Variants in SQLE observed in about 807,000 individuals in gnomAD.
The protein encoded by SQLE is squalene epoxidase, also known as squalene monooxygenase.
In SQLE, 29 loss-of-function variants were observed where a neutral mutation model predicts 60.7. That is an observed-to-expected ratio of 0.48 (90% CI 0.36 to 0.65). SQLE has a LOEUF of 0.65. SQLE is among the 30% of genes least tolerant of loss of function. The pLI is 0.00. For synonymous variants in SQLE, 237 were observed against 246.8 expected (o/e 0.96, Z 0.37); for missense variants, 605 against 684.1 (o/e 0.88, Z 1.29).
intron 4 of SQLE, among the ~76,000 whole-genome samples, chr8:125,008,229 A>G (rs1814986351): frequency 6.6e-6 from 1 of 152,084 alleles, no homozygotes; most frequent in African/African-American, 2.4e-5. Flanking sequence ...AGCTGGGATT[A>G]CAGGCATGCT....
At chr8:125,005,831 A>G in intron 3 of SQLE, 126 bp downstream of exon 3, 1 of 636,132 alleles carries the variant, frequency 1.6e-6, no homozygotes, top group Non-Finnish European at 2.3e-6. Context: ...TATGTATATT[A>G]AAATAAACTG....
intron 8 of SQLE, 47 bp downstream of exon 8, chr8:125,018,248 C>A: frequency 1.3e-6 from 2 of 1,599,372 alleles, no homozygotes; most frequent in South Asian, 1.1e-5. Flanking sequence ...GGATTTATTT[C>A]TGGGGGTTAA....
At position 124,999,493 on chromosome 8, in the gene SQLE, G is replaced by A. The variant is rs528628772; in HGVS notation, c.90G>A (p.Leu30=). 2 of 1,604,052 alleles carry A rather than the reference G, an allele frequency of 1.2e-6. No homozygotes were observed. Among genetic ancestry groups the A allele is most frequent in the African/African-American group, 1.3e-5 (1 of 74,494 alleles). The change falls in exon 1 of 11, where the codon TTG becomes TTA. Residue 30 remains leucine, a synonymous_variant. Coordinates refer to ENST00000265896, the MANE Select transcript of SQLE (RefSeq NM_003129.4). ...CTTTGGCCAACAGGGAGGTCCTGTT[G>A]TGCGTGCTGGTGTTCCTCTCGCTGG... ...FITLANREVL[L]CVLVFLSLGL...
chr8:125,020,942 G>T, intron 10 of SQLE, 71 bp downstream of exon 10: 1 of 1,024,920 alleles, frequency 9.8e-7, no homozygotes, highest in Non-Finnish European at 1.5e-6. Flanking sequence ...ATGAATTACT[G>T]CAAATCTTTC....
In SQLE at chr8:124,999,336, A is replaced by G; in HGVS notation, c.-68A>G. ...CTCCTCTTGGTACCTCATTTTGGGG[A>G]GAACCTTAAACCCACTCGAGCAGAT... is the stretch of plus-strand genomic sequence containing the variant. On this transcript the variant is annotated 5_prime_UTR_variant, in exon 1 of 11. Coordinates refer to ENST00000265896, the MANE Select transcript of SQLE (RefSeq NM_003129.4). 3.6e-6 allele frequency: 5 copies of G among 1,402,608 alleles called. No homozygotes were observed. The South Asian group carries it at 9.1e-5, about 26-fold the overall frequency. The allele number at this position is 1,402,608 out of a possible 1,614,324, so 86.9% of individuals were successfully genotyped here.
At chr8:125,005,931 CT>C (rs1426100911) in intron 3 of SQLE, among the ~76,000 whole-genome samples, 1 of 152,088 alleles carries the variant, frequency 6.6e-6, no homozygotes, top group Non-Finnish European at 1.5e-5. Context: ...AAGAGTTCTC[CT>C]TTGACTAAAT....
intron 3 of SQLE, among the ~76,000 whole-genome samples, chr8:125,006,577 C>T (rs1324984583): frequency 4.1e-5 from 6 of 145,614 alleles, no homozygotes; most frequent in Non-Finnish European, 9.0e-5. Flanking sequence ...GCCGAGATAG[C>T]GCCACTGCAC....
rs1158317918 is a variant in SQLE at position 124,999,571 on chromosome 8, C to T, written c.168C>T (p.Arg56=). The change falls in exon 1 of 11, where the codon CGC becomes CGT. Residue 56 remains arginine (R), a synonymous_variant. Transcript: ENST00000265896. ...CRHRNGGLLG[R]QQSGSQFALF... ...ACCGAAACGGGGGTCTCCTCGGGCG[C>T]CAGCAGAGCGGCTCCCAGTTCGCCC... The T allele has an allele frequency of 6.2e-7, 1 of 1,613,368 alleles. No homozygotes were observed. The highest frequency in any genetic ancestry group is 2.2e-5 in the East Asian group (1 of 44,864).
intron 7 of SQLE, among the ~76,000 whole-genome samples, chr8:125,017,663 T>C (rs1815131023): frequency 1.3e-5 from 2 of 152,186 alleles, no homozygotes; most frequent in African/African-American, 4.8e-5. Context: ...GAAGGTGCTT[T>C]CCTGTGTGGG....
chr8:125,010,534 A>C (rs1815022624), intron 6 of SQLE, among the ~76,000 whole-genome samples: 1 of 152,148 alleles, frequency 6.6e-6, no homozygotes, highest in African/African-American at 2.4e-5. Context: ...TTTTTAAACT[A>C]AGTGAAACCA....
Position 124,999,349 on chromosome 8 carries a change from C to A in SQLE, c.-55C>A, listed in dbSNP as rs1814802112. ...CTCATTTTGGGGAGAACCTTAAACCCACTCGAGCAGATAATCTCCGCCTTG... is the reference window on the plus strand; with the variant it reads ...CTCATTTTGGGGAGAACCTTAAACCAACTCGAGCAGATAATCTCCGCCTTG... On this transcript the variant is annotated 5_prime_UTR_variant, in exon 1 of 11. Coordinates refer to ENST00000265896, the MANE Select transcript of SQLE (RefSeq NM_003129.4). The A allele has an allele frequency of 1.2e-5, 17 of 1,463,592 alleles. 1 individual carries two copies. The South Asian group carries it at 2.3e-4, about 20-fold the overall frequency. The allele number at this position is 1,463,592 out of a possible 1,614,324, so 90.7% of individuals were successfully genotyped here.
chr8:124,998,935 A>T lies in SQLE; in HGVS notation c.-469A>T, dbSNP rs1163293373. ...GCTCGCCGTCGCCAGAGGCTAGGCC[A>T]CGTTTCCCCCAGTGCCGAGGTGTTT... On this transcript the variant is annotated 5_prime_UTR_variant, in exon 1 of 11. Transcript: ENST00000265896. 1 of 344,404 alleles carries T rather than the reference A, an allele frequency of 2.9e-6. No individual in the cohort carries two copies. Among genetic ancestry groups the T allele is most frequent in the South Asian group, 8.8e-5 (1 of 11,356 alleles). 21.3% of individuals were successfully genotyped at this position (344,404 alleles called of 1,614,324 possible).
At chr8:125,012,185 G>C (rs1815048986) in intron 7 of SQLE, among the ~76,000 whole-genome samples, 1 of 152,156 alleles carries the variant, frequency 6.6e-6, no homozygotes, top group African/African-American at 2.4e-5. Flanking sequence ...GTGGGTGTCA[G>C]AGTGGGAGAC....
chr8:125,018,036 A>C (rs1815137462), intron 7 of SQLE, 23 bp from the exon 8 acceptor site: 1 of 1,608,810 alleles, frequency 6.2e-7, no homozygotes, highest in South Asian at 1.1e-5. Flanking sequence ...CTAAAATAAA[A>C]TCTTCATTAC....
At chr8:125,009,418 A>AT in intron 6 of SQLE, 75 bp downstream of exon 6, 1 of 1,335,226 alleles carries the variant, frequency 7.5e-7, no homozygotes, top group Non-Finnish European at 1.0e-6. Context: ...CAGGTGAAAC[A>AT]TTCATCCAGT....
intron 4 of SQLE, 44 bp downstream of exon 4, chr8:125,007,531 T>C: frequency 7.4e-7 from 1 of 1,353,404 alleles, no homozygotes; most frequent in Non-Finnish European, 1.0e-6. Flanking sequence ...GATGTTGTTT[T>C]TCCTGCTTTT....
rs1038505567 is a variant in SQLE at position 124,998,512 on chromosome 8, G to T, written c.-892G>T. On this transcript the variant is annotated 5_prime_UTR_variant, in exon 1 of 11. Coordinates refer to ENST00000265896, the MANE Select transcript of SQLE (RefSeq NM_003129.4). Reference sequence around the variant, plus strand: ...GAGCCCGCCCAGCTGGCTGAGACGCGTGGAGCCTGGCGGCGAGTGGGGGCG... The same window carrying T: ...GAGCCCGCCCAGCTGGCTGAGACGCTTGGAGCCTGGCGGCGAGTGGGGGCG... 7 of 649,576 alleles carry T rather than the reference G, an allele frequency of 1.1e-5. No homozygotes were observed. Among genetic ancestry groups the T allele is most frequent in the African/African-American group, 1.9e-5 (1 of 53,028 alleles). 40.2% of individuals were successfully genotyped at this position (649,576 alleles called of 1,614,324 possible).
intron 7 of SQLE, among the ~76,000 whole-genome samples, chr8:125,017,642 T>C (rs529907101): frequency 6.6e-6 from 1 of 152,254 alleles, no homozygotes; most frequent in South Asian, 2.1e-4. Context: ...AGGCTGACTT[T>C]TGGTTCTTAT....
At chr8:125,021,036 G>A in intron 10 of SQLE, 165 bp downstream of exon 10, 1 of 562,276 alleles carries the variant, frequency 1.8e-6, no homozygotes, top group South Asian at 2.4e-5. Flanking sequence ...GCAATATTTA[G>A]TACTGTTTTC....
Sources: gnomAD v4.1 joint callset for allele counts (sites outside exome capture counted in the v4.1 genomes callset) on GRCh38, gnomAD v4.1.1 for gene constraint, MANE v1.5 for transcripts, NCBI Gene and HGNC (gene_info 2026-07-23, HGNC 2026-07-21) for gene names.